OSBPL1A: variants seen among roughly 807,000 people sequenced by gnomAD.
The protein encoded by OSBPL1A is oxysterol-binding protein-related protein 1.
In OSBPL1A, 80 loss-of-function variants were observed where a neutral mutation model predicts 137.1. That is an observed-to-expected ratio of 0.58 (90% CI 0.49 to 0.70). OSBPL1A has a LOEUF of 0.70. Among genes scored for constraint, OSBPL1A ranks in the 30% least tolerant of loss-of-function variants. The pLI is 0.00. For missense variants in OSBPL1A, 970 were observed against 1,129.4 expected, an observed-to-expected ratio of 0.86 and a Z score of 2.02; for synonymous variants, 365 against 389.7, an observed-to-expected ratio of 0.94 and a Z score of 0.75.
chr18:24,329,907 A>G (rs2091045777), intron 7 of OSBPL1A, among the ~76,000 whole-genome samples: 4 of 152,186 alleles, frequency 2.6e-5, no homozygotes, highest in Admixed American at 2.6e-4. Context: ...CAGCTCCTAT[A>G]ATAACATTAT....
At chr18:24,245,790 T>C (rs905859347) in intron 15 of OSBPL1A, among the ~76,000 whole-genome samples, 10 of 152,244 alleles carry the variant, frequency 6.6e-5, no homozygotes, top group African/African-American at 1.9e-4. Flanking sequence ...AGAGTTTTCA[T>C]TGACTCTCTA....
chr18:24,374,526 T>C (rs1905934714), intron 2 of OSBPL1A, among the ~76,000 whole-genome samples: 1 of 152,166 alleles, frequency 6.6e-6, no homozygotes, highest in African/African-American at 2.4e-5. Context: ...ATCGCCCATC[T>C]TAGCACTCCC....
At chr18:24,254,535 C>T (rs990590421) in intron 15 of OSBPL1A, among the ~76,000 whole-genome samples, 4 of 152,046 alleles carry the variant, frequency 2.6e-5, no homozygotes, top group African/African-American at 7.2e-5. Flanking sequence ...AAATCAATGA[C>T]GCGAGGAATT....
chr18:24,249,758 T>C (rs947547595), intron 15 of OSBPL1A, among the ~76,000 whole-genome samples: 36 of 151,976 alleles, frequency 2.4e-4, no homozygotes, highest in Non-Finnish European at 4.9e-4. Context: ...AGAACTCGAG[T>C]TTGTTGGCAA....
At chr18:24,317,623 A>G (rs2090761098) in intron 9 of OSBPL1A, among the ~76,000 whole-genome samples, 1 of 152,254 alleles carries the variant, frequency 6.6e-6, no homozygotes, top group Non-Finnish European at 1.5e-5. Context: ...TGATAAGATC[A>G]ATGATGATTA....
intron 7 of OSBPL1A, among the ~76,000 whole-genome samples, chr18:24,330,290 T>C (rs553818064): frequency 1.8e-3 from 267 of 152,214 alleles, no homozygotes; most frequent in Admixed American, 7.9e-3. Flanking sequence ...ATACCTGACT[T>C]GGATTTTTCA....
At chr18:24,309,937 C>T (rs1172607836) in intron 13 of OSBPL1A, among the ~76,000 whole-genome samples, 1 of 151,308 alleles carries the variant, frequency 6.6e-6, no homozygotes. Context: ...ATCCCAGCTA[C>T]TCAGGAGGCT....
chr18:24,218,634 G>A (rs935416506), intron 17 of OSBPL1A, among the ~76,000 whole-genome samples: 2 of 151,774 alleles, frequency 1.3e-5, no homozygotes, highest in Non-Finnish European at 1.5e-5. Context: ...TGGTAGAGAC[G>A]GGGGTTTCAC....
At chr18:24,311,126 A>G (rs1297926225) in intron 13 of OSBPL1A, among the ~76,000 whole-genome samples, 1 of 141,950 alleles carries the variant, frequency 7.0e-6, no homozygotes, top group African/African-American at 2.6e-5. Flanking sequence ...AAGATTAGGG[A>G]TTGAAAGAGT....
chr18:24,228,428 A>G (rs1033644063), intron 16 of OSBPL1A, among the ~76,000 whole-genome samples: 4 of 152,072 alleles, frequency 2.6e-5, no homozygotes, highest in African/African-American at 9.7e-5. Flanking sequence ...GCAAAGTACA[A>G]TGGTCATTTT....
At chr18:24,195,168 C>T (rs937335325) in intron 18 of OSBPL1A, among the ~76,000 whole-genome samples, 10 of 151,922 alleles carry the variant, frequency 6.6e-5, no homozygotes, top group East Asian at 5.8e-4. Flanking sequence ...AGGTGTGGCA[C>T]GACGCGCCTG....
At chr18:24,356,745 A>C (rs1009218553) in intron 4 of OSBPL1A, among the ~76,000 whole-genome samples, 3 of 152,362 alleles carry the variant, frequency 2.0e-5, no homozygotes, top group African/African-American at 7.2e-5. Context: ...AAGGGATGGC[A>C]GAAATCAGTG....
At chr18:24,253,224 G>A (rs1363753567) in intron 15 of OSBPL1A, among the ~76,000 whole-genome samples, 1 of 149,042 alleles carries the variant, frequency 6.7e-6, no homozygotes, top group Non-Finnish European at 1.5e-5. Context: ...TTGCCTACAG[G>A]AAATGCATTT....
intron 1 of OSBPL1A, among the ~76,000 whole-genome samples, chr18:24,385,546 G>A (rs576359966): frequency 3.0e-4 from 45 of 152,252 alleles, no homozygotes; most frequent in African/African-American, 1.1e-3. Flanking sequence ...GGCAAAAAAC[G>A]ACCAAGAGTG....
At chr18:24,284,018 A>G (rs1444370933) in intron 14 of OSBPL1A, among the ~76,000 whole-genome samples, 2 of 152,098 alleles carry the variant, frequency 1.3e-5, no homozygotes, top group African/African-American at 4.8e-5. Context: ...GAGAGCGTCG[A>G]ATTCTTTTGT....
intron 18 of OSBPL1A, 60 bp downstream of exon 18, chr18:24,196,065 C>A: frequency 7.4e-7 from 1 of 1,349,636 alleles, no homozygotes; most frequent in Non-Finnish European, 1.0e-6. Flanking sequence ...AGGTTCCTTT[C>A]TAAAGAATAT....
chr18:24,227,985 A>AT (rs917885791), intron 16 of OSBPL1A, among the ~76,000 whole-genome samples: 5 of 152,126 alleles, frequency 3.3e-5, no homozygotes, highest in South Asian at 2.1e-4. Context: ...CCTAAAAAGA[A>AT]TTTTTTTTAG....
At chr18:24,364,050 T>G (rs2091667332) in intron 4 of OSBPL1A, among the ~76,000 whole-genome samples, 1 of 152,134 alleles carries the variant, frequency 6.6e-6, no homozygotes, top group South Asian at 2.1e-4. Flanking sequence ...ATCTGCAACT[T>G]TAACTTCCCC....
intron 13 of OSBPL1A, among the ~76,000 whole-genome samples, chr18:24,307,678 T>C (rs905224789): frequency 3.9e-5 from 6 of 152,258 alleles, no homozygotes; most frequent in African/African-American, 1.4e-4. Context: ...TATCAGCATA[T>C]ATACATCTGC....
Sources: allele counts gnomAD v4.1 joint callset (sites outside exome capture counted in the v4.1 genomes callset), GRCh38; gene constraint gnomAD v4.1.1; transcripts MANE v1.5; gene names NCBI Gene and HGNC (gene_info 2026-07-23, HGNC 2026-07-21).